The following EML6 variants were observed in gnomAD, a reference collection of about 807,000 sequenced individuals.
EML6 encodes echinoderm microtubule-associated protein-like 6.
A neutral mutation model predicts 240.1 loss-of-function variants in EML6; 154 were observed. The observed-to-expected ratio is 0.64, with a 90% CI of 0.56 to 0.73. The LOEUF (loss-of-function observed/expected upper bound fraction) is 0.73. EML6 is among the 30% of genes least tolerant of loss of function. The probability of loss-of-function intolerance (pLI) is 0.00; values close to 1 mark genes in which losing one functional copy is unlikely to be tolerated. For missense variants in EML6, 2,964 were observed against 2,474.6 expected, an observed-to-expected ratio of 1.20 and a Z score of -4.20; for synonymous variants, 1,148 against 899.0, an observed-to-expected ratio of 1.28 and a Z score of -4.95.
intron 2 of EML6, among the ~76,000 whole-genome samples, chr2:54,808,035 A>G (rs1558566786): frequency 6.6e-6 from 1 of 151,534 alleles, no homozygotes; most frequent in South Asian, 2.1e-4. Flanking sequence ...AGTTTTAGGG[A>G]CCCCCCCTGC....
chr2:54,791,799 C>T (rs1021235403), intron 2 of EML6, among the ~76,000 whole-genome samples: 2 of 152,162 alleles, frequency 1.3e-5, no homozygotes, highest in Non-Finnish European at 2.9e-5. Context: ...CTGGATTATA[C>T]TACAAAGTAG....
chr2:54,903,374 C>A lies in EML6; in HGVS notation c.3281C>A (p.Thr1094Lys), dbSNP rs375823350. 2 of 1,550,954 alleles carry A rather than the reference C, an allele frequency of 1.3e-6. No individual in the cohort carries two copies. Among genetic ancestry groups the A allele is most frequent in the Non-Finnish European group, 1.7e-6 (2 of 1,146,752 alleles). Reference sequence around the variant, plus strand: ...AACCCCACATTTTTCTTAACAGATACGGGAAAATACCTTGCCGTGGCATCC... The same window carrying A: ...AACCCCACATTTTTCTTAACAGATAAGGGAAAATACCTTGCCGTGGCATCC... The part of the protein sequence containing the change: ...MISDIKFSKD[T>K]GKYLAVASHD... Residue 1094 changes from threonine (T) to lysine (K), a missense_variant, in exon 24 of 42, where the codon ACG becomes AAG. Coordinates refer to ENST00000356458, the MANE Select transcript of EML6 (RefSeq NM_001039753.4).
chr2:54,730,078 G>C (rs1000993411), intron 2 of EML6, among the ~76,000 whole-genome samples: 3 of 152,046 alleles, frequency 2.0e-5, no homozygotes, highest in African/African-American at 7.2e-5. Context: ...AGAGGTTGCA[G>C]TAAGCCCAGT....
At chr2:54,934,046 G>T (rs898393304) in intron 28 of EML6, among the ~76,000 whole-genome samples, 1 of 152,144 alleles carries the variant, frequency 6.6e-6, no homozygotes, top group African/African-American at 2.4e-5. Flanking sequence ...GGTCCATAGC[G>T]TATTGTCTTC....
Position 54,968,649 on chromosome 2 carries a change from C to T in EML6, c.5752-19C>T, listed in dbSNP as rs1412317058. 16 of 1,471,524 alleles carry T rather than the reference C, an allele frequency of 1.1e-5. No individual in the cohort carries two copies. The East Asian group carries it at 3.7e-4, about 34-fold the overall frequency. The allele number at this position is 1,471,524 out of a possible 1,614,324, so 91.2% of individuals were successfully genotyped here. A position where few individuals can be genotyped will look rare whatever the true frequency, so the allele number is the denominator to read the frequency against. On this transcript the variant is annotated intron_variant, in intron 40 of 41. Transcript: ENST00000356458. ...GGAGCCAGGGTCTCTTAGCTGTCTC[C>T]ATTCACTTTTGCTCACAGGCCAAAC...
intron 10 of EML6, among the ~76,000 whole-genome samples, 191 bp from the exon 11 acceptor site, chr2:54,853,452 A>C (rs113360953): frequency 6.9e-5 from 1 of 14,558 alleles, no homozygotes; most frequent in Non-Finnish European, 1.0e-4. Flanking sequence ...TTTTCTTTTT[A>C]ATGTCTGAGT....
chr2:54,725,141 A>G lies in EML6; in HGVS notation c.80A>G (p.Asn27Ser), dbSNP rs531572203. The G allele has an allele frequency of 5.8e-6, 9 of 1,539,278 alleles. No homozygotes were observed. In the East Asian group the frequency reaches 1.3e-4, roughly 22 times the overall value. ...YGYRGHQCRN[N>S]LYYTAGKEVV... ...TACCGGGGTCACCAGTGCCGCAACA[A>G]CCTGTACTACACGGCAGGCAAGGAG... The change falls in exon 2 of 42, where the codon AAC (asparagine) becomes AGC (serine). Residue 27 changes from asparagine (N) to serine (S), a missense_variant. Asn to Ser is a conservative substitution (Grantham distance 46). Transcript: ENST00000356458. The surrounding 1 kb of genome is among the most constrained non-coding windows in gnomAD (Gnocchi z 4.3).
intron 36 of EML6, 103 bp from the exon 37 acceptor site, chr2:54,963,883 G>A (rs1469507038): frequency 3.8e-6 from 4 of 1,040,114 alleles, no homozygotes; most frequent in Non-Finnish European, 5.4e-6. Flanking sequence ...GGCCTGCAGT[G>A]GCTGCGAGGG....
intron 8 of EML6, among the ~76,000 whole-genome samples, chr2:54,846,783 G>A (rs139243941): frequency 2.0e-5 from 3 of 151,444 alleles, no homozygotes; most frequent in South Asian, 4.2e-4. Flanking sequence ...TGTGTCTGGC[G>A]CATACTTTTT....
intron 16 of EML6, among the ~76,000 whole-genome samples, chr2:54,873,393 C>T (rs34121514): frequency 0.17 from 25,706 of 152,078 alleles, 2,293 homozygotes; most frequent in South Asian, 0.28. Flanking sequence ...GAGAGAACTC[C>T]GCATACCACC....
chr2:54,904,026 G>A (rs1205628460), intron 24 of EML6, among the ~76,000 whole-genome samples: 1 of 152,184 alleles, frequency 6.6e-6, no homozygotes, highest in Non-Finnish European at 1.5e-5. Flanking sequence ...CAAATGCCAT[G>A]AGGATTTGTC....
intron 2 of EML6, among the ~76,000 whole-genome samples, chr2:54,729,329 G>T (rs575914126): frequency 6.6e-6 from 1 of 152,326 alleles, no homozygotes; most frequent in African/African-American, 2.4e-5. Flanking sequence ...TTTTGTGACC[G>T]ATGCTGCTCA....
intron 2 of EML6, chr2:54,747,550 A>C (rs1683967288): frequency 6.6e-6 from 1 of 152,242 alleles, no homozygotes; most frequent in Non-Finnish European, 1.5e-5. Context: ...AACCTTACTT[A>C]TCACTAGGCT....
intron 2 of EML6, among the ~76,000 whole-genome samples, chr2:54,802,113 G>T (rs562579943): frequency 6.6e-6 from 1 of 152,196 alleles, no homozygotes; most frequent in South Asian, 2.1e-4. Flanking sequence ...TGTTCTGGGG[G>T]TCATCAATGG....
intron 36 of EML6, among the ~76,000 whole-genome samples, chr2:54,963,785 C>T (rs1345666414): frequency 6.6e-6 from 1 of 152,242 alleles, no homozygotes; most frequent in Non-Finnish European, 1.5e-5. Flanking sequence ...TGCCCTAAAA[C>T]TTGTTGTCCC....
intron 36 of EML6, 93 bp downstream of exon 36, chr2:54,962,804 G>C (rs1676581718): frequency 1.8e-6 from 2 of 1,104,652 alleles, no homozygotes; most frequent in Non-Finnish European, 2.4e-6. Context: ...CGTCATGGCA[G>C]AGACGGGGAT....
Position 54,847,517 on chromosome 2 carries a change from G to A in EML6, c.1081G>A (p.Ala361Thr), listed in dbSNP as rs774293335. ...GAGCCTGGCTGATCATGCCTTGATC[G>A]CCCGCTGTAACATGGAAGAGGCGGT... ...LWSLADHALI[A>T]RCNMEEAVRS... The change falls in exon 9 of 42, where the codon GCC (alanine) becomes ACC (threonine). Residue 361 changes from alanine (A) to threonine (T), a missense_variant. Ala to Thr is a moderately conservative substitution (Grantham distance 58). Transcript: ENST00000356458. 5.4e-5 allele frequency: 84 copies of A among 1,551,642 alleles called. No individual in the cohort carries two copies. Among genetic ancestry groups the A allele is most frequent in the Non-Finnish European group, 6.9e-5 (79 of 1,147,032 alleles).
At chr2:54,864,343 A>C (rs1232448564) in intron 13 of EML6, among the ~76,000 whole-genome samples, 1 of 152,208 alleles carries the variant, frequency 6.6e-6, no homozygotes, top group East Asian at 1.9e-4. Context: ...CCATTTAATC[A>C]AAGTAATTAT....
At chr2:54,743,995 G>A (rs1305124693) in intron 2 of EML6, among the ~76,000 whole-genome samples, 1 of 152,092 alleles carries the variant, frequency 6.6e-6, no homozygotes, top group Non-Finnish European at 1.5e-5. Flanking sequence ...CCTCTAGGAG[G>A]ATGTTAGGAA....
Sources: gnomAD v4.1 joint callset for allele counts (sites outside exome capture counted in the v4.1 genomes callset) on GRCh38, gnomAD v4.1.1 for gene constraint, Gnocchi (gnomAD v3.1) non-coding constraint, MANE v1.5 for transcripts, NCBI Gene and HGNC (gene_info 2026-07-23, HGNC 2026-07-21) for gene names.